Variants in TBL1XR1 observed in about 807,000 individuals in gnomAD.
The protein encoded by TBL1XR1 is F-box-like/WD repeat-containing protein TBL1XR1.
In TBL1XR1, 5 loss-of-function variants were observed where a neutral mutation model predicts 66.9. The ratio of observed to expected loss-of-function variants is 0.07; its 90% CI spans 0.04 to 0.16. TBL1XR1 has a LOEUF of 0.16. Among genes scored for constraint, TBL1XR1 ranks in the 10% least tolerant of loss-of-function variants. The pLI, the probability that TBL1XR1 is intolerant of heterozygous loss-of-function variation, is 1.00. For synonymous variants in TBL1XR1, 210 were observed against 206.0 expected, an observed-to-expected ratio of 1.02 and a Z score of -0.17; for missense variants, 238 against 623.2, an observed-to-expected ratio of 0.38 and a Z score of 6.58.
intron 2 of TBL1XR1, among the ~76,000 whole-genome samples, chr3:177,089,944 C>T (rs905450767): frequency 1.3e-5 from 2 of 152,118 alleles, no homozygotes; most frequent in Non-Finnish European, 2.9e-5. Context: ...ATATATGTAT[C>T]AAAAAAGACA....
chr3:177,195,104 C>A (rs1162241668), intron 1 of TBL1XR1, among the ~76,000 whole-genome samples: 2 of 151,852 alleles, frequency 1.3e-5, no homozygotes, highest in Admixed American at 1.3e-4. Flanking sequence ...TCCTGTAGGT[C>A]GGATTCCAAC....
chr3:177,123,177 T>C (rs891500862), intron 1 of TBL1XR1, among the ~76,000 whole-genome samples: 1 of 152,124 alleles, frequency 6.6e-6, no homozygotes, highest in African/African-American at 2.4e-5. Context: ...GATTAGTATA[T>C]TGTAATAGTT....
rs764951521 is a variant in TBL1XR1 at position 177,071,031 on chromosome 3, G to GTTTTTTTTTTTTTT, written c.-45-6023_-45-6010dup. Among the ~76,000 whole-genome samples the GTTTTTTTTTTTTTT allele has an allele frequency of 7.0e-3, 737 of 104,556 alleles. 65 individuals carry two copies. Among genetic ancestry groups the GTTTTTTTTTTTTTT allele is most frequent in the East Asian group, 0.021 (63 of 3,044 alleles). The allele number at this position is 104,556 out of a possible 152,430, so 68.6% of individuals were successfully genotyped here. ...TGGAACAGACATGTTCTGAGAATCTGTTTTTTTTTTTTTTTTTGAGACAGA... is the reference window on the plus strand; with the variant it reads ...TGGAACAGACATGTTCTGAGAATCTGTTTTTTTTTTTTTTTTTTTTTTTTTTTTTTTGAGACAGA... On this transcript the variant is annotated intron_variant, in intron 2 of 15. Transcript: ENST00000457928.
chr3:177,135,801 C>T (rs1728924279), intron 1 of TBL1XR1, among the ~76,000 whole-genome samples: 1 of 151,932 alleles, frequency 6.6e-6, no homozygotes, highest in Admixed American at 6.6e-5. Flanking sequence ...AGACAAGATT[C>T]CTGCTCTACT....
intron 12 of TBL1XR1, among the ~76,000 whole-genome samples, chr3:177,035,796 C>T (rs557309786): frequency 1.3e-5 from 2 of 152,188 alleles, no homozygotes; most frequent in Non-Finnish European, 1.5e-5. Flanking sequence ...TATCCTGTTT[C>T]GCCAGTCCAG....
chr3:177,161,112 G>A (rs1256298831), intron 1 of TBL1XR1: 1 of 152,100 alleles, frequency 6.6e-6, no homozygotes, highest in African/African-American at 2.4e-5. Flanking sequence ...ACACACCTAG[G>A]TTTGTTGTGT....
intron 1 of TBL1XR1, among the ~76,000 whole-genome samples, chr3:177,174,608 G>C (rs527829174): frequency 1.6e-4 from 25 of 152,164 alleles, no homozygotes; most frequent in African/African-American, 5.8e-4. Flanking sequence ...AGCCAGAAAG[G>C]AGACCCGGAT....
At position 177,022,848 on chromosome 3, in the gene TBL1XR1, A is replaced by G. The variant is rs748265937; in HGVS notation, c.*2650T>C. 1.3e-5 allele frequency: 2 copies of G among 152,442 alleles called. No homozygotes were observed. The highest frequency in any genetic ancestry group is 6.6e-5 in the Admixed American group (1 of 15,254). 9.4% of individuals were successfully genotyped at this position (152,442 alleles called of 1,614,324 possible). On this transcript the variant is annotated 3_prime_UTR_variant, in exon 16 of 16. Transcript: ENST00000457928. ...AGGCAATGATGATGTTGAGAACAGCAGCAAAAATAAACAATCGTATGCTCA... is the reference window on the plus strand; with the variant it reads ...AGGCAATGATGATGTTGAGAACAGCGGCAAAAATAAACAATCGTATGCTCA...
At chr3:177,186,276 G>A (rs1451633543) in intron 1 of TBL1XR1, among the ~76,000 whole-genome samples, 1 of 152,112 alleles carries the variant, frequency 6.6e-6, no homozygotes, top group Non-Finnish European at 1.5e-5. Context: ...CATTTTACTA[G>A]GGGAAAAATC....
chr3:177,159,140 G>C (rs911268081), intron 1 of TBL1XR1, among the ~76,000 whole-genome samples: 2 of 151,766 alleles, frequency 1.3e-5, no homozygotes, highest in African/African-American at 2.4e-5. Flanking sequence ...AACTCAGCTG[G>C]ATTTTCTCAA....
At chr3:177,196,888 A>G (rs1442660685) in intron 1 of TBL1XR1, among the ~76,000 whole-genome samples, 2 of 151,660 alleles carry the variant, frequency 1.3e-5, no homozygotes, top group Non-Finnish European at 2.9e-5. Context: ...CAGGCACGTG[A>G]GCATTTCAAA....
At chr3:177,027,978 G>A (rs575048662) in intron 14 of TBL1XR1, 106 of 152,206 alleles carry the variant, frequency 7.0e-4, no homozygotes, top group African/African-American at 2.2e-3. Context: ...CAGCCAACTT[G>A]GGGGTTAAAA....
chr3:177,088,466 C>T (rs1159665471), intron 2 of TBL1XR1, among the ~76,000 whole-genome samples: 6 of 152,014 alleles, frequency 3.9e-5, no homozygotes, highest in East Asian at 1.9e-4. Context: ...GCAAATATTC[C>T]GAAATCCAAG....
intron 1 of TBL1XR1, among the ~76,000 whole-genome samples, chr3:177,113,622 G>A (rs1474970022): frequency 6.6e-6 from 1 of 152,114 alleles, no homozygotes; most frequent in Non-Finnish European, 1.5e-5. Context: ...CTTTAGGCCA[G>A]GAGTTTGTGA....
chr3:177,059,160 A>G (rs1718187538), intron 3 of TBL1XR1, among the ~76,000 whole-genome samples: 1 of 152,234 alleles, frequency 6.6e-6, no homozygotes, highest in Admixed American at 6.5e-5. Context: ...GCAGTTCTTC[A>G]TGACTAGAAG....
chr3:177,156,146 C>T (rs1306070803), intron 1 of TBL1XR1, among the ~76,000 whole-genome samples: 14 of 83,910 alleles, frequency 1.7e-4, no homozygotes, highest in Admixed American at 1.1e-3. Flanking sequence ...TTCATGAAAA[C>T]GTGAAACTTC....
At chr3:177,077,034 T>C (rs1455251691) in intron 2 of TBL1XR1, among the ~76,000 whole-genome samples, 1 of 152,164 alleles carries the variant, frequency 6.6e-6, no homozygotes, top group Admixed American at 6.5e-5. Context: ...AGCTTGGCTA[T>C]CCAAATGAGC....
chr3:177,066,641 G>T (rs1310703499), intron 2 of TBL1XR1, among the ~76,000 whole-genome samples: 1 of 152,204 alleles, frequency 6.6e-6, no homozygotes, highest in Non-Finnish European at 1.5e-5. Flanking sequence ...AGGAATTAGG[G>T]AGCCAAATTA....
intron 1 of TBL1XR1, among the ~76,000 whole-genome samples, chr3:177,192,595 C>A (rs1420501914): frequency 6.6e-6 from 1 of 151,952 alleles, no homozygotes; most frequent in Non-Finnish European, 1.5e-5. Flanking sequence ...GTAAAAAAAA[C>A]CAAGCTAAGT....
Sources: gnomAD v4.1 joint callset for allele counts (sites outside exome capture counted in the v4.1 genomes callset) on GRCh38, gnomAD v4.1.1 for gene constraint, MANE v1.5 for transcripts, NCBI Gene and HGNC (gene_info 2026-07-23, HGNC 2026-07-21) for gene names.